The following CELF2 variants were observed in gnomAD, a reference collection of about 807,000 sequenced individuals.
CELF2 encodes the protein CUGBP Elav-like family member 2, also known as CUG triplet repeat RNA-binding protein 2.
Under a neutral mutation model 62.6 loss-of-function variants are expected in CELF2, and 8 were observed. The ratio of observed to expected loss-of-function variants is 0.13; its 90% CI spans 0.07 to 0.23. The LOEUF is 0.23. Among genes scored for constraint, CELF2 ranks in the 10% least tolerant of loss-of-function variants. CELF2 has a pLI of 1.00. For synonymous variants in CELF2, 258 were observed against 250.0 expected (o/e 1.03, Z -0.30); for missense variants, 333 against 671.0 (o/e 0.50, Z 5.56).
chr10:10,488,375 T>C, the CELF2 span, among the ~76,000 whole-genome samples: 2 of 152,134 alleles, frequency 1.3e-5, 1 homozygote, highest in South Asian at 4.1e-4. Context: ...ATGTGTCAGT[T>C]TCCTCATCTG....
At chr10:10,824,077 G>C (rs924945968) in intron 1 of CELF2, among the ~76,000 whole-genome samples, 11 of 152,148 alleles carry the variant, frequency 7.2e-5, no homozygotes, top group African/African-American at 2.7e-4. Context: ...ATCAAAGCTA[G>C]CTGCAACTGA....
At chr10:10,613,503 T>C in the CELF2 span, among the ~76,000 whole-genome samples, 1 of 152,202 alleles carries the variant, frequency 6.6e-6, no homozygotes, top group Non-Finnish European at 1.5e-5. Flanking sequence ...CTTCTGACAT[T>C]TCATCGGGGC....
At chr10:10,776,259 G>T in the CELF2 span, 1 of 153,222 alleles carries the variant, frequency 6.5e-6, no homozygotes, top group African/African-American at 2.4e-5. Context: ...TTGTTGCTGC[G>T]TTTGGGGAGT....
chr10:10,494,700 T>C, the CELF2 span, among the ~76,000 whole-genome samples: 4 of 152,228 alleles, frequency 2.6e-5, no homozygotes, highest in Non-Finnish European at 5.9e-5. Flanking sequence ...GCATCTGTTC[T>C]GTGTTCATCA....
chr10:10,466,536 G>A, the CELF2 span, among the ~76,000 whole-genome samples: 4 of 152,062 alleles, frequency 2.6e-5, 1 homozygote, highest in South Asian at 6.2e-4. Flanking sequence ...CCTTAATGTA[G>A]GCATAGGTGT....
chr10:10,474,850 G>A, the CELF2 span, among the ~76,000 whole-genome samples: 1 of 152,104 alleles, frequency 6.6e-6, no homozygotes, highest in Non-Finnish European at 1.5e-5. Flanking sequence ...CTTATCAGAT[G>A]TGATGAGGTC....
the CELF2 span, among the ~76,000 whole-genome samples, chr10:10,548,265 C>T: frequency 1.3e-5 from 2 of 152,172 alleles, no homozygotes; most frequent in Non-Finnish European, 2.9e-5. Context: ...TGTCGAGCTC[C>T]CAATTTATAA....
the CELF2 span, among the ~76,000 whole-genome samples, chr10:10,693,975 T>C: frequency 3.3e-5 from 5 of 151,836 alleles, no homozygotes; most frequent in East Asian, 9.7e-4. Context: ...CCTGGATTCA[T>C]TAATTTTTTG....
chr10:11,228,884 A>G (rs1456794900), intron 3 of CELF2, among the ~76,000 whole-genome samples: 1 of 152,246 alleles, frequency 6.6e-6, no homozygotes, highest in Non-Finnish European at 1.5e-5. Flanking sequence ...GAAAATACTT[A>G]AGAGAGAATC....
intron 1 of CELF2, among the ~76,000 whole-genome samples, chr10:11,036,650 A>G (rs1402414471): frequency 6.6e-6 from 1 of 152,214 alleles, no homozygotes; most frequent in African/African-American, 2.4e-5. Flanking sequence ...GATCCCTTTT[A>G]GCCTCCTCAG....
At chr10:10,766,534 G>A in the CELF2 span, among the ~76,000 whole-genome samples, 2 of 152,186 alleles carry the variant, frequency 1.3e-5, no homozygotes, top group African/African-American at 4.8e-5. Flanking sequence ...GTGTCTGAGT[G>A]GACCCTGGGG....
At chr10:11,149,216 G>T (rs1022346937) in intron 1 of CELF2, among the ~76,000 whole-genome samples, 6 of 152,124 alleles carry the variant, frequency 3.9e-5, no homozygotes, top group Non-Finnish European at 2.9e-5. Flanking sequence ...GACTACAGGT[G>T]TGTGCCGCCA....
the CELF2 span, among the ~76,000 whole-genome samples, chr10:10,729,369 G>A: frequency 6.6e-6 from 1 of 152,168 alleles, no homozygotes; most frequent in Admixed American, 6.5e-5. Flanking sequence ...AAAGAGTATA[G>A]CAGATGAGGT....
chr10:10,599,731 T>TC, the CELF2 span, among the ~76,000 whole-genome samples: 28 of 150,402 alleles, frequency 1.9e-4, no homozygotes, highest in African/African-American at 6.3e-4. Context: ...CTTTCTTTTT[T>TC]TTTTTTTTTT....
chr10:10,596,476 G>A, the CELF2 span, among the ~76,000 whole-genome samples: 4 of 152,292 alleles, frequency 2.6e-5, no homozygotes, highest in East Asian at 5.8e-4. Context: ...CTTTGCCATG[G>A]TGGGTGGGTA....
At chr10:10,591,372 G>C in the CELF2 span, among the ~76,000 whole-genome samples, 121 of 152,150 alleles carry the variant, frequency 8.0e-4, 1 homozygote, top group African/African-American at 2.7e-3. Flanking sequence ...ATGGGTATAT[G>C]CTTTCAGTAC....
At chr10:10,823,113 C>T (rs1393674296) in intron 1 of CELF2, among the ~76,000 whole-genome samples, 3 of 152,076 alleles carry the variant, frequency 2.0e-5, no homozygotes, top group African/African-American at 7.2e-5. Context: ...TTTAATTCTT[C>T]TGTAGTTTTC....
the CELF2 span, among the ~76,000 whole-genome samples, chr10:10,480,311 G>A: frequency 4.3e-4 from 66 of 152,290 alleles, no homozygotes; most frequent in African/African-American, 1.5e-3. Context: ...GAGCACTGAA[G>A]CAGTGGATCC....
chr10:11,261,081 G>T (rs1432825541), intron 5 of CELF2, among the ~76,000 whole-genome samples: 2 of 152,190 alleles, frequency 1.3e-5, no homozygotes, highest in Non-Finnish European at 2.9e-5. Context: ...CAAAACCAGG[G>T]TATACCCTCT....
Sources: gnomAD v4.1 joint callset for allele counts (sites outside exome capture counted in the v4.1 genomes callset) on GRCh38, gnomAD v4.1.1 for gene constraint, MANE v1.5 for transcripts, NCBI Gene and HGNC (gene_info 2026-07-23, HGNC 2026-07-21) for gene names.